The following DPP6 variants were observed in gnomAD, a reference collection of about 807,000 sequenced individuals.
DPP6 encodes the protein A-type potassium channel modulatory protein DPP6.
Under a neutral mutation model 122.6 loss-of-function variants are expected in DPP6, and 69 were observed. That is an observed-to-expected ratio of 0.56 (90% CI 0.46 to 0.69). The LOEUF is 0.69. Among genes scored for constraint, DPP6 ranks in the 30% least tolerant of loss-of-function variants. The pLI is 0.00. For missense variants in DPP6, 928 were observed against 1,116.9 expected (o/e 0.83, Z 2.41); for synonymous variants, 418 against 433.1 (o/e 0.97, Z 0.43).
intron 16 of DPP6, among the ~76,000 whole-genome samples, chr7:154,847,760 A>C (rs1802057761): frequency 6.6e-6 from 1 of 152,206 alleles, no homozygotes; most frequent in South Asian, 2.1e-4. Context: ...AGACACCAAA[A>C]GGTATTCCTC....
intron 4 of DPP6, among the ~76,000 whole-genome samples, chr7:154,557,356 C>G (rs1005211612): frequency 6.6e-6 from 1 of 152,156 alleles, no homozygotes. Context: ...GAATGTGACC[C>G]GGACTAATTT....
chr7:154,046,517 G>C (rs1800024261), intron 1 of DPP6, among the ~76,000 whole-genome samples: 1 of 152,184 alleles, frequency 6.6e-6, no homozygotes. Context: ...TCAGGAGCTG[G>C]ATATTTATAG....
At chr7:154,295,905 C>T (rs960493546) in intron 1 of DPP6, among the ~76,000 whole-genome samples, 5 of 150,452 alleles carry the variant, frequency 3.3e-5, no homozygotes, top group African/African-American at 1.2e-4. Context: ...TACACATAAT[C>T]GATTGCTTAT....
At chr7:154,684,199 C>G in intron 7 of DPP6, among the ~76,000 whole-genome samples, 1 of 151,960 alleles carries the variant, frequency 6.6e-6, no homozygotes, top group Non-Finnish European at 1.5e-5. Flanking sequence ...CCACCCCTCA[C>G]CCCTAACTCC....
chr7:154,323,034 G>T (rs1291185382), intron 1 of DPP6, among the ~76,000 whole-genome samples: 1 of 151,894 alleles, frequency 6.6e-6, no homozygotes, highest in Non-Finnish European at 1.5e-5. Context: ...TGGCCTGGTT[G>T]CAGAAGAGAG....
intron 1 of DPP6, among the ~76,000 whole-genome samples, chr7:154,064,415 G>A (rs1802537248): frequency 6.6e-6 from 1 of 152,120 alleles, no homozygotes; most frequent in African/African-American, 2.4e-5. Context: ...TCAATTCATG[G>A]CCATTGAACT....
At chr7:153,865,501 C>T in the DPP6 span, among the ~76,000 whole-genome samples, 1 of 152,052 alleles carries the variant, frequency 6.6e-6, no homozygotes. Flanking sequence ...GGGGTTTTAG[C>T]TACAGTCCAA....
intron 1 of DPP6, among the ~76,000 whole-genome samples, chr7:153,989,473 C>A (rs1797040413): frequency 6.6e-6 from 1 of 151,516 alleles, no homozygotes; most frequent in Non-Finnish European, 1.5e-5. Flanking sequence ...CTGGGCTGGC[C>A]GCTGTCCTGG....
At chr7:154,556,543 C>T (rs12536148) in intron 4 of DPP6, among the ~76,000 whole-genome samples, 33,512 of 152,040 alleles carry the variant, frequency 0.22, 4,006 homozygotes, top group Admixed American at 0.34. Context: ...CACAAAATTA[C>T]GTTCCAATTG....
At chr7:154,716,160 T>C (rs1352420165) in intron 7 of DPP6, among the ~76,000 whole-genome samples, 2 of 152,174 alleles carry the variant, frequency 1.3e-5, no homozygotes, top group Non-Finnish European at 2.9e-5. Flanking sequence ...CCCTCAGCCG[T>C]CATGGTGATA....
Position 153,966,554 on chromosome 7 carries a change from CTTTTTTTTTTTTTTTTTTTT to C in DPP6, c.51+78834_51+78853del, listed in dbSNP as rs753840054. On this transcript the variant is annotated intron_variant, in intron 1 of 25. Transcript: ENST00000404039. ...AATTAAACGGTCTGTCCTGTGTTGG[CTTTTTTTTTTTTTTTTTTTT>C]TTTTTTTTTTTTTACTGCATATAGC... 2.4e-3 allele frequency among the ~76,000 whole-genome samples: 101 copies of C among 41,362 alleles called. 7 individuals are homozygous for C. The highest frequency in any genetic ancestry group is 3.2e-3 in the Non-Finnish European group (85 of 26,574). The allele number at this position is 41,362 out of a possible 152,430, so 27.1% of individuals were successfully genotyped here.
intron 2 of DPP6, among the ~76,000 whole-genome samples, chr7:154,460,126 C>T (rs550808262): frequency 8.9e-4 from 135 of 151,838 alleles, no homozygotes; most frequent in African/African-American, 3.0e-3. Context: ...GTATTACAGA[C>T]GTGTACCACC....
intron 1 of DPP6, among the ~76,000 whole-genome samples, chr7:153,897,228 C>T (rs1346151951): frequency 1.4e-4 from 21 of 152,190 alleles, no homozygotes; most frequent in Non-Finnish European, 1.0e-4. Context: ...GGTGCTGACC[C>T]ATTTCCAGCC....
intron 1 of DPP6, among the ~76,000 whole-genome samples, chr7:154,067,733 G>A (rs1802830685): frequency 6.6e-6 from 1 of 152,088 alleles, no homozygotes; most frequent in South Asian, 2.1e-4. Flanking sequence ...AAGGAGAGCA[G>A]TGTAAGAGTT....
At chr7:153,903,976 G>C (rs1799743297) in intron 1 of DPP6, among the ~76,000 whole-genome samples, 1 of 152,178 alleles carries the variant, frequency 6.6e-6, no homozygotes, top group African/African-American at 2.4e-5. Flanking sequence ...AGAGTTTCCT[G>C]TATCTCTGTT....
chr7:154,076,587 T>C (rs1037711734), intron 1 of DPP6, among the ~76,000 whole-genome samples: 2 of 150,280 alleles, frequency 1.3e-5, no homozygotes, highest in African/African-American at 4.9e-5. Flanking sequence ...TAGTTTTATT[T>C]TGAAAATGAA....
the DPP6 span, among the ~76,000 whole-genome samples, chr7:153,798,000 C>G: frequency 2.0e-5 from 3 of 152,134 alleles, no homozygotes; most frequent in East Asian, 5.8e-4. Flanking sequence ...CGTCACCATG[C>G]CCAGCTAATT....
chr7:154,539,618 A>G (rs1456813149), intron 3 of DPP6, among the ~76,000 whole-genome samples: 1 of 151,940 alleles, frequency 6.6e-6, no homozygotes, highest in Non-Finnish European at 1.5e-5. Flanking sequence ...GTACCCTAGA[A>G]CTTAAAGTAT....
At chr7:154,750,525 CG>C (rs1212611602) in intron 8 of DPP6, among the ~76,000 whole-genome samples, 1 of 152,166 alleles carries the variant, frequency 6.6e-6, no homozygotes, top group East Asian at 1.9e-4. Flanking sequence ...CCTCCCACGG[CG>C]GGGGCGCTCC....
Sources: allele counts gnomAD v4.1 joint callset (sites outside exome capture counted in the v4.1 genomes callset), GRCh38; gene constraint gnomAD v4.1.1; transcripts MANE v1.5; gene names NCBI Gene and HGNC (gene_info 2026-07-23, HGNC 2026-07-21).